Variants in GTPBP10 observed in about 807,000 individuals in gnomAD.
GTPBP10 encodes GTP binding protein 10, also known as GTP-binding protein 10.
Under a neutral mutation model 44.8 loss-of-function variants are expected in GTPBP10, and 38 were observed. The ratio of observed to expected loss-of-function variants is 0.85; its 90% CI spans 0.65 to 1.11. The LOEUF (loss-of-function observed/expected upper bound fraction) is 1.11. GTPBP10 is among the 50% of genes most tolerant of loss of function. The pLI is 0.00. For synonymous variants in GTPBP10, 152 were observed against 150.6 expected, an observed-to-expected ratio of 1.01 and a Z score of -0.07; for missense variants, 462 against 453.7, an observed-to-expected ratio of 1.02 and a Z score of -0.17.
intron 5 of GTPBP10, among the ~76,000 whole-genome samples, chr7:90,372,482 C>CTTTTTTTTTTTTTTTTTTTTTTTTTT (rs757973599): frequency 1.8e-5 from 2 of 112,232 alleles, no homozygotes; most frequent in African/African-American, 4.0e-5. Context: ...GCTTGGCTAA[C>CTTTTTTTTTTTTTTTTTTTTTTTTTT]TTTTTTTTTT....
At chr7:90,378,919 T>A (rs1478317211) in intron 8 of GTPBP10, among the ~76,000 whole-genome samples, 6 of 152,088 alleles carry the variant, frequency 3.9e-5, no homozygotes, top group African/African-American at 1.4e-4. Context: ...GCCAGGCTGG[T>A]CTCAAACACC....
At chr7:90,369,120 G>A (rs563948582) in intron 4 of GTPBP10, among the ~76,000 whole-genome samples, 5 of 152,288 alleles carry the variant, frequency 3.3e-5, no homozygotes, top group Non-Finnish European at 5.9e-5. Context: ...AATCACCAGC[G>A]GAGGCTGCAG....
intron 8 of GTPBP10, among the ~76,000 whole-genome samples, chr7:90,380,208 A>G (rs1796412898): frequency 6.6e-6 from 1 of 150,778 alleles, no homozygotes; most frequent in African/African-American, 2.4e-5. Context: ...CCTCCCCAGT[A>G]GCTGGGATTA....
chr7:90,371,103 T>C (rs1796249938), intron 4 of GTPBP10: 1 of 420,540 alleles, frequency 2.4e-6, no homozygotes, highest in African/African-American at 2.2e-5. Flanking sequence ...AGTTTAAAGA[T>C]AGTCATTGCA....
intron 1 of GTPBP10, 96 bp downstream of exon 1, chr7:90,346,870 T>G: frequency 7.4e-7 from 1 of 1,358,402 alleles, no homozygotes; most frequent in South Asian, 1.2e-5. Context: ...CGTGGCGGCC[T>G]TTTCCTTGCT....
intron 4 of GTPBP10, among the ~76,000 whole-genome samples, chr7:90,356,250 C>A (rs1370442003): frequency 6.6e-6 from 1 of 152,152 alleles, no homozygotes; most frequent in African/African-American, 2.4e-5. Flanking sequence ...AGGCCCCATT[C>A]CTGCTAAAAT....
intron 4 of GTPBP10, among the ~76,000 whole-genome samples, chr7:90,366,891 T>G (rs973820651): frequency 6.6e-6 from 1 of 152,218 alleles, no homozygotes; most frequent in African/African-American, 2.4e-5. Context: ...GGTGTCCATT[T>G]TAGATCCTTC....
At position 90,390,085 on chromosome 7, in the gene GTPBP10, C is replaced by G. The variant is rs1185115235; in HGVS notation, c.*4931C>G. 6.6e-6 allele frequency: 1 copy of G among 152,172 alleles called. No individual in the cohort carries two copies. Among genetic ancestry groups the G allele is most frequent in the Non-Finnish European group, 1.5e-5 (1 of 68,046 alleles). 9.4% of individuals were successfully genotyped at this position (152,172 alleles called of 1,614,324 possible). On this transcript the variant is annotated 3_prime_UTR_variant, in exon 10 of 10. Transcript: ENST00000222511. ...GGATTATAGGCATGAGCCATTTATG[C>G]CCAGCCAGTTTTCTTTTTTCTAATT...
At chr7:90,356,103 C>T (rs555164190) in intron 4 of GTPBP10, among the ~76,000 whole-genome samples, 1 of 152,154 alleles carries the variant, frequency 6.6e-6, no homozygotes, top group Admixed American at 6.5e-5. Flanking sequence ...TTCCCCATAG[C>T]TTCTTTCTAA....
intron 8 of GTPBP10, 97 bp from the exon 9 acceptor site, chr7:90,382,859 G>A: frequency 1.4e-6 from 1 of 715,004 alleles, no homozygotes; most frequent in Admixed American, 3.0e-5. Flanking sequence ...TCGGTGATGT[G>A]AATGGGTTTT....
chr7:90,377,095 G>A (rs547463911), intron 6 of GTPBP10, among the ~76,000 whole-genome samples: 40 of 152,192 alleles, frequency 2.6e-4, no homozygotes, highest in African/African-American at 5.1e-4. Flanking sequence ...ATGGCGGTAC[G>A]CACCTGGAGT....
Position 90,381,713 on chromosome 7 carries a change from T to C in GTPBP10, c.778-1243T>C, listed in dbSNP as rs1796438783. Among the ~76,000 whole-genome samples the C allele has an allele frequency of 2.0e-5, 3 of 152,264 alleles. No individual in the cohort carries two copies. In the South Asian group the frequency reaches 6.2e-4, roughly 32 times the overall value. On this transcript the variant is annotated intron_variant, in intron 8 of 9. Transcript: ENST00000222511. ...AAACAGCGTGGTACTGGCATAACAGTAGACACATAAACCAATGGAACAGAA... is the reference window on the plus strand; with the variant it reads ...AAACAGCGTGGTACTGGCATAACAGCAGACACATAAACCAATGGAACAGAA...
chr7:90,355,001 T>C, intron 3 of GTPBP10, 85 bp from the exon 4 acceptor site: 10 of 828,784 alleles, frequency 1.2e-5, no homozygotes, highest in Non-Finnish European at 1.6e-5. Context: ...TGCATTTCTT[T>C]GCCTGTATTT....
intron 4 of GTPBP10, among the ~76,000 whole-genome samples, chr7:90,363,917 T>C (rs1275018392): frequency 6.6e-6 from 1 of 152,362 alleles, no homozygotes; most frequent in Middle Eastern, 3.4e-3. Context: ...TTTCTTCCAG[T>C]TGATCAAATC....
chr7:90,354,342 C>T, intron 2 of GTPBP10, 116 bp from the exon 3 acceptor site: 1 of 454,042 alleles, frequency 2.2e-6, no homozygotes. Context: ...CATTTAACAT[C>T]TGCGTTAACC....
At chr7:90,357,789 T>C (rs1474108939) in intron 4 of GTPBP10, among the ~76,000 whole-genome samples, 1 of 152,166 alleles carries the variant, frequency 6.6e-6, no homozygotes, top group Non-Finnish European at 1.5e-5. Flanking sequence ...CCTAGTACTG[T>C]CTTTCATACA....
At chr7:90,360,671 T>C (rs1398610091) in intron 4 of GTPBP10, among the ~76,000 whole-genome samples, 1 of 152,196 alleles carries the variant, frequency 6.6e-6, no homozygotes, top group Non-Finnish European at 1.5e-5. Flanking sequence ...TCCAATTCTG[T>C]AAAGAAAGTC....
intron 9 of GTPBP10, among the ~76,000 whole-genome samples, chr7:90,384,312 A>T (rs1232302570): frequency 6.6e-6 from 1 of 152,184 alleles, no homozygotes; most frequent in Non-Finnish European, 1.5e-5. Flanking sequence ...CCAGCCAATC[A>T]GTATGCCATG....
chr7:90,364,612 T>C (rs2115683248), intron 4 of GTPBP10, among the ~76,000 whole-genome samples: 1 of 152,322 alleles, frequency 6.6e-6, no homozygotes, highest in South Asian at 2.1e-4. Flanking sequence ...CTGTCCGTTC[T>C]CAGTTCTCAA....
Sources: gnomAD v4.1 joint callset for allele counts (sites outside exome capture counted in the v4.1 genomes callset) on GRCh38, gnomAD v4.1.1 for gene constraint, MANE v1.5 for transcripts, NCBI Gene and HGNC (gene_info 2026-07-23, HGNC 2026-07-21) for gene names.